SLCO3A1: variants seen among roughly 807,000 people sequenced by gnomAD.
SLCO3A1 encodes the protein PGE1 transporter.
Under a neutral mutation model 63.1 loss-of-function variants are expected in SLCO3A1, and 27 were observed. The observed-to-expected ratio is 0.43, with a 90% CI of 0.32 to 0.59. SLCO3A1 has a LOEUF of 0.59. Ranked by LOEUF, SLCO3A1 falls within the 20% of genes least tolerant of loss-of-function variation. SLCO3A1 has a pLI of 0.09. For missense variants in SLCO3A1, 773 were observed against 945.8 expected (o/e 0.82, Z 2.40); for synonymous variants, 473 against 409.9 (o/e 1.15, Z -1.86).
In SLCO3A1 at chr15:91,936,032, G is replaced by A. The variant is rs181293505; in HGVS notation, c.646+19574G>A. Reference sequence around the variant, plus strand: ...GTCACAAGTGGGTTAGTGACTGAGGGTGAGGGCTCTGGAGCCAGATGGTCA... The same window carrying A: ...GTCACAAGTGGGTTAGTGACTGAGGATGAGGGCTCTGGAGCCAGATGGTCA... On this transcript the variant is annotated intron_variant, in intron 2 of 9. Coordinates refer to ENST00000318445, the MANE Select transcript of SLCO3A1 (RefSeq NM_013272.4). Among the ~76,000 whole-genome samples, 420 of 152,312 alleles carry A rather than the reference G, an allele frequency of 2.8e-3. 1 individual carries two copies. The highest frequency in any genetic ancestry group is 9.7e-3 in the African/African-American group (405 of 41,580).
rs1019795905 is a variant in SLCO3A1 at position 92,165,479 on chromosome 15, T to G, written c.*2344T>G. ...CACACTGAGGCCCTTTGACCTAGTG[T>G]TTTATGGAACTATTTGCTTTGAGAG... On this transcript the variant is annotated 3_prime_UTR_variant, in exon 10 of 10. Transcript: ENST00000318445. 20 of 984,016 alleles carry G rather than the reference T, an allele frequency of 2.0e-5. No homozygotes were observed. In the African/African-American group the frequency reaches 3.3e-4, roughly 16 times the overall value. The allele number at this position is 984,016 out of a possible 1,614,324, so 61.0% of individuals were successfully genotyped here.
chr15:92,124,066 G>A (rs1467657952), intron 5 of SLCO3A1, among the ~76,000 whole-genome samples: 4 of 152,114 alleles, frequency 2.6e-5, no homozygotes, highest in East Asian at 1.9e-4. Flanking sequence ...GGCAGTGGGC[G>A]GTTAGAGAAG....
chr15:92,053,695 TG>T (rs1266986155), intron 2 of SLCO3A1, among the ~76,000 whole-genome samples: 2,641 of 17,564 alleles, frequency 0.15, 45 homozygotes, highest in South Asian at 0.28. Context: ...TTTGTTTGTT[TG>T]TTTTTTTTTT....
chr15:91,878,331 C>T (rs963412473), intron 1 of SLCO3A1, among the ~76,000 whole-genome samples: 7 of 152,122 alleles, frequency 4.6e-5, no homozygotes, highest in African/African-American at 1.4e-4. Context: ...CCGCCCACCT[C>T]GGCTTCCCAA....
At chr15:92,168,854 G>A (rs2048507224), downstream of SLCO3A1, among the ~76,000 whole-genome samples, 1 of 152,172 alleles carries the variant, frequency 6.6e-6, no homozygotes, top group Non-Finnish European at 1.5e-5. Flanking sequence ...TTCCCATATA[G>A]CTGTGACACT....
intron 2 of SLCO3A1, among the ~76,000 whole-genome samples, chr15:92,077,288 AC>A (rs1351079914): frequency 5.3e-5 from 8 of 151,916 alleles, no homozygotes; most frequent in African/African-American, 1.5e-4. Flanking sequence ...TCCTTCTATT[AC>A]CCTGTGGTTG....
chr15:92,139,869 TTTTC>T (rs1385841910), intron 7 of SLCO3A1, among the ~76,000 whole-genome samples: 2 of 148,570 alleles, frequency 1.3e-5, no homozygotes, highest in Non-Finnish European at 3.0e-5. Flanking sequence ...TTCTCTCTTT[TTTTC>T]TTTATTAGTC....
intron 3 of SLCO3A1, among the ~76,000 whole-genome samples, chr15:92,095,312 G>A (rs2047525252): frequency 6.6e-6 from 1 of 152,226 alleles, no homozygotes; most frequent in African/African-American, 2.4e-5. Context: ...GAGAGTGTCT[G>A]TGTAGAAATG....
Position 91,885,481 on chromosome 15 carries a change from A to G in SLCO3A1, c.181-30512A>G, listed in dbSNP as rs532475735. ...TTTGTTCCAGCAGCCAAACTCCAGC[A>G]TGTCACAAATCATACATTACAGGAA... On this transcript the variant is annotated intron_variant, in intron 1 of 9. Transcript: ENST00000318445. This position sits in a 1 kb window ranked among gnomAD's most constrained non-coding sequence, Gnocchi z 4.7. 6.6e-6 allele frequency among the ~76,000 whole-genome samples: 1 copy of G among 152,330 alleles called. No individual in the cohort carries two copies. The highest frequency in any genetic ancestry group is 1.9e-4 in the East Asian group (1 of 5,170).
rs61238614 is a variant in SLCO3A1 at position 92,028,908 on chromosome 15, AGTGTGTGT to A, written c.647-65944_647-65937del. Among the ~76,000 whole-genome samples the A allele has an allele frequency of 6.9e-3, 828 of 120,134 alleles. 12 individuals carry two copies. The highest frequency in any genetic ancestry group is 0.026 in the African/African-American group (753 of 29,284). The allele number at this position is 120,134 out of a possible 152,430, so 78.8% of individuals were successfully genotyped here. ...CGTTCTTGTTTCAGCTGCAGGCACA[AGTGTGTGT>A]GTGTGTGTGTGTGTGTGTGTGTGTG... On this transcript the variant is annotated intron_variant, in intron 2 of 9. Coordinates refer to ENST00000318445, the MANE Select transcript of SLCO3A1 (RefSeq NM_013272.4).
chr15:92,098,486 A>G (rs2151540413), intron 3 of SLCO3A1, among the ~76,000 whole-genome samples: 1 of 152,308 alleles, frequency 6.6e-6, no homozygotes, highest in Admixed American at 6.5e-5. Context: ...GTTCTTTGTT[A>G]ACTGAAACCC....
chr15:91,947,848 G>C (rs955906617), intron 2 of SLCO3A1, among the ~76,000 whole-genome samples: 1 of 152,080 alleles, frequency 6.6e-6, no homozygotes, highest in Non-Finnish European at 1.5e-5. Context: ...ACCCTGGGTC[G>C]GTCTGTACAC....
rs534514939 is a variant in SLCO3A1, at chr15:91,872,220, G to A, written c.180+18132G>A. Among the ~76,000 whole-genome samples, 1 of 152,240 alleles carries A rather than the reference G, an allele frequency of 6.6e-6. No individual in the cohort carries two copies. The highest frequency in any genetic ancestry group is 2.1e-4 in the South Asian group (1 of 4,820). On this transcript the variant is annotated intron_variant, in intron 1 of 9. Coordinates refer to ENST00000318445, the MANE Select transcript of SLCO3A1 (RefSeq NM_013272.4). This position sits in a 1 kb window ranked among gnomAD's most constrained non-coding sequence, Gnocchi z 4.1. ...TTTCTCTTTTCCGTATAAGGAAATAGGGCTCACTTCTAGAAGTTAAAGAAT... is the reference window on the plus strand; with the variant it reads ...TTTCTCTTTTCCGTATAAGGAAATAAGGCTCACTTCTAGAAGTTAAAGAAT...
chr15:91,977,416 C>A (rs999774075), intron 2 of SLCO3A1, among the ~76,000 whole-genome samples: 1 of 152,086 alleles, frequency 6.6e-6, no homozygotes, highest in Admixed American at 6.5e-5. Context: ...CTCCTGGCAG[C>A]TGCAGAGAAA....
intron 4 of SLCO3A1, among the ~76,000 whole-genome samples, chr15:92,110,146 T>A (rs558632948): frequency 6.6e-6 from 1 of 152,168 alleles, no homozygotes; most frequent in Non-Finnish European, 1.5e-5. Flanking sequence ...AAGGTTCACC[T>A]TTTGAGGAGC....
chr15:91,996,725 C>A (rs1279934908), intron 2 of SLCO3A1, among the ~76,000 whole-genome samples: 2 of 152,078 alleles, frequency 1.3e-5, no homozygotes, highest in Admixed American at 1.3e-4. Flanking sequence ...AGAGCAACAA[C>A]ACTACAATTA....
At chr15:92,016,061 T>A (rs1254964966) in intron 2 of SLCO3A1, among the ~76,000 whole-genome samples, 1 of 152,086 alleles carries the variant, frequency 6.6e-6, no homozygotes. Context: ...AAATTTCTGC[T>A]AGACATTATA....
At chr15:92,056,327 C>T (rs1011596836) in intron 2 of SLCO3A1, among the ~76,000 whole-genome samples, 1 of 147,852 alleles carries the variant, frequency 6.8e-6, no homozygotes, top group African/African-American at 2.5e-5. Flanking sequence ...AAATTGAAGA[C>T]CCATCCTTTG....
intron 1 of SLCO3A1, among the ~76,000 whole-genome samples, chr15:91,893,827 G>A (rs556523206): frequency 6.6e-6 from 1 of 152,234 alleles, no homozygotes; most frequent in African/African-American, 2.4e-5. Context: ...TTATACATCA[G>A]TTACTCTTCT....
Sources: gnomAD v4.1 joint callset for allele counts (sites outside exome capture counted in the v4.1 genomes callset) on GRCh38, gnomAD v4.1.1 for gene constraint, Gnocchi (gnomAD v3.1) non-coding constraint, MANE v1.5 for transcripts, NCBI Gene and HGNC (gene_info 2026-07-23, HGNC 2026-07-21) for gene names.